COG5: variants seen among roughly 807,000 people sequenced by gnomAD.
COG5 encodes conserved oligomeric Golgi complex subunit 5.
Under a neutral mutation model 110.4 loss-of-function variants are expected in COG5, and 86 were observed. The observed-to-expected ratio is 0.78, with a 90% CI of 0.65 to 0.93. COG5 has a LOEUF of 0.93. Ranked by LOEUF, COG5 falls within the 40% of genes least tolerant of loss-of-function variation. The probability of loss-of-function intolerance (pLI) is 0.00; values close to 1 mark genes in which losing one functional copy is unlikely to be tolerated. For synonymous variants in COG5, 360 were observed against 334.6 expected (o/e 1.08, Z -0.83); for missense variants, 1,077 against 987.0 (o/e 1.09, Z -1.22).
At chr7:107,295,089 ATATATATATATATTT>A (rs1806610920) in intron 12 of COG5, among the ~76,000 whole-genome samples, 2 of 72,928 alleles carry the variant, frequency 2.7e-5, no homozygotes, top group Non-Finnish European at 5.3e-5. Flanking sequence ...ATATATATAT[ATATATATATATATTT>A]TTTTTTTTTT....
At chr7:107,472,863 A>G (rs1796721147) in intron 6 of COG5, 1 of 151,962 alleles carries the variant, frequency 6.6e-6, no homozygotes, top group Non-Finnish European at 1.5e-5. Context: ...TGTATTTGAA[A>G]TGTGAAATAT....
Position 107,474,891 on chromosome 7 carries a change from G to A in COG5, c.538+52346C>T. 1 of 1,613,192 alleles carries A rather than the reference G, an allele frequency of 6.2e-7. No homozygotes were observed. On this transcript the variant is annotated intron_variant, in intron 6 of 21. Transcript: ENST00000297135. The surrounding 1 kb of genome is among the most constrained non-coding windows in gnomAD (Gnocchi z 5.7). ...CAGACATGTCACAAAGCAGTGGTGG[G>A]AGAAATGTAGTCTTTGGTGTAAGAA... is the stretch of plus-strand genomic sequence containing the variant.
chr7:107,438,367 T>C (rs968957458), intron 6 of COG5, among the ~76,000 whole-genome samples: 2 of 152,198 alleles, frequency 1.3e-5, no homozygotes, highest in Non-Finnish European at 2.9e-5. Context: ...CTTCCCACAG[T>C]TTCCCACCTC....
chr7:107,433,273 T>C (rs769807930), intron 6 of COG5, among the ~76,000 whole-genome samples: 2 of 152,164 alleles, frequency 1.3e-5, no homozygotes, highest in Non-Finnish European at 2.9e-5. Flanking sequence ...CCCAAATTGA[T>C]CTACAGATTT....
intron 21 of COG5, chr7:107,209,323 T>C: frequency 1.5e-6 from 1 of 653,380 alleles, no homozygotes; most frequent in Non-Finnish European, 1.9e-6. Context: ...AGTTAGGTGA[T>C]TGTGACCTCC....
chr7:107,360,587 C>G (rs1319459360), intron 10 of COG5, among the ~76,000 whole-genome samples: 1 of 152,100 alleles, frequency 6.6e-6, no homozygotes, highest in Non-Finnish European at 1.5e-5. Context: ...TTCCAGGTGT[C>G]ACTACATTCC....
chr7:107,402,509 T>C (rs1428556926), intron 7 of COG5, among the ~76,000 whole-genome samples: 1 of 152,258 alleles, frequency 6.6e-6, no homozygotes, highest in Non-Finnish European at 1.5e-5. Flanking sequence ...GGGACTGGTA[T>C]CTATGGTGAC....
At chr7:107,341,300 AC>A (rs1280854198) in intron 10 of COG5, among the ~76,000 whole-genome samples, 2 of 152,160 alleles carry the variant, frequency 1.3e-5, no homozygotes, top group Non-Finnish European at 2.9e-5. Context: ...AAAATGAAAT[AC>A]CTAGGAATAC....
intron 1 of COG5, 49 bp from the exon 2 acceptor site, chr7:107,558,164 A>G (rs1243588728): frequency 6.4e-7 from 1 of 1,571,796 alleles, no homozygotes; most frequent in South Asian, 1.1e-5. Context: ...CCTGTACTAA[A>G]CCAGTTATTA....
intron 6 of COG5, among the ~76,000 whole-genome samples, chr7:107,431,136 T>C (rs986702365): frequency 6.6e-6 from 1 of 152,220 alleles, no homozygotes; most frequent in Non-Finnish European, 1.5e-5. Flanking sequence ...ATCTCCAGAT[T>C]TGTAAAAAAA....
chr7:107,492,204 TA>T (rs372264311), intron 6 of COG5, among the ~76,000 whole-genome samples: 3 of 150,596 alleles, frequency 2.0e-5, no homozygotes, highest in South Asian at 2.1e-4. Flanking sequence ...TGTGTGTGTG[TA>T]GTTTATTTTG....
intron 5 of COG5, among the ~76,000 whole-genome samples, chr7:107,543,939 C>G (rs542687285): frequency 4.6e-5 from 7 of 152,120 alleles, no homozygotes; most frequent in Non-Finnish European, 1.0e-4. Context: ...CAGGCCTGCC[C>G]CCAAGACCTG....
chr7:107,398,346 C>T (rs551034528), intron 7 of COG5, among the ~76,000 whole-genome samples: 3 of 152,322 alleles, frequency 2.0e-5, no homozygotes, highest in Non-Finnish European at 2.9e-5. Context: ...CAGTAAGAGT[C>T]GGTGGCTGTT....
At chr7:107,331,286 T>C (rs776129564) in intron 10 of COG5, among the ~76,000 whole-genome samples, 16 of 152,002 alleles carry the variant, frequency 1.1e-4, no homozygotes, top group Non-Finnish European at 2.4e-4. Context: ...GCTACCATTA[T>C]GAAACACCAT....
intron 12 of COG5, among the ~76,000 whole-genome samples, chr7:107,296,675 A>G (rs891927001): frequency 8.0e-5 from 12 of 150,376 alleles, no homozygotes; most frequent in African/African-American, 2.9e-4. Context: ...CTTCCCCAGT[A>G]GCTGGGATTA....
intron 6 of COG5, among the ~76,000 whole-genome samples, chr7:107,477,707 C>G (rs997522349): frequency 6.6e-6 from 1 of 151,698 alleles, no homozygotes; most frequent in Non-Finnish European, 1.5e-5. Context: ...AATATGTAAA[C>G]CAAAATAATA....
chr7:107,423,541 A>T (rs1444843725), intron 6 of COG5, among the ~76,000 whole-genome samples: 2 of 152,122 alleles, frequency 1.3e-5, no homozygotes, highest in South Asian at 2.1e-4. Context: ...GAGAGGGAAC[A>T]TTTCCCAAAA....
chr7:107,240,570 G>C (rs775553826), intron 17 of COG5, among the ~76,000 whole-genome samples: 19 of 152,208 alleles, frequency 1.2e-4, no homozygotes, highest in Non-Finnish European at 2.4e-4. Flanking sequence ...ATGTAAGTTA[G>C]ACTTGAAGGT....
chr7:107,279,742 CTATTTT>C (rs546568756), intron 14 of COG5, among the ~76,000 whole-genome samples: 106 of 152,094 alleles, frequency 7.0e-4, no homozygotes, highest in South Asian at 2.1e-3. Context: ...AAAAATAAAA[CTATTTT>C]TAATAAAAAA....
Sources: gnomAD v4.1 joint callset for allele counts (sites outside exome capture counted in the v4.1 genomes callset) on GRCh38, gnomAD v4.1.1 for gene constraint, Gnocchi (gnomAD v3.1) non-coding constraint, MANE v1.5 for transcripts, NCBI Gene and HGNC (gene_info 2026-07-23, HGNC 2026-07-21) for gene names.